The following PCSK6 variants were observed in gnomAD, a reference collection of about 807,000 sequenced individuals.
PCSK6 encodes proprotein convertase subtilisin/kexin type 6.
In PCSK6, 85 loss-of-function variants were observed where a neutral mutation model predicts 123.3. That is an observed-to-expected ratio of 0.69 (90% CI 0.58 to 0.83). PCSK6 has a LOEUF of 0.83. Ranked by LOEUF, PCSK6 falls within the 40% of genes least tolerant of loss-of-function variation. The pLI, the probability that PCSK6 is intolerant of heterozygous loss-of-function variation, is 0.00. For synonymous variants in PCSK6, 508 were observed against 516.0 expected (o/e 0.98, Z 0.21); for missense variants, 1,191 against 1,282.3 (o/e 0.93, Z 1.09).
chr15:101,417,629 A>T (rs1361535450), intron 6 of PCSK6, among the ~76,000 whole-genome samples: 1 of 152,210 alleles, frequency 6.6e-6, no homozygotes, highest in Non-Finnish European at 1.5e-5. Context: ...GTAAGAGGTG[A>T]TGAAAGGAGA....
chr15:101,311,289 T>A (rs1235354378), intron 20 of PCSK6, among the ~76,000 whole-genome samples: 2 of 150,658 alleles, frequency 1.3e-5, no homozygotes, highest in East Asian at 3.9e-4. Context: ...TTTTGCATTT[T>A]TTTTTTTTTT....
intron 11 of PCSK6, among the ~76,000 whole-genome samples, chr15:101,372,439 C>T (rs879659746): frequency 5.9e-5 from 9 of 152,328 alleles, no homozygotes; most frequent in East Asian, 1.9e-4. Flanking sequence ...TTTGAAAACA[C>T]GCTTTGCATG....
intron 1 of PCSK6, among the ~76,000 whole-genome samples, chr15:101,448,213 T>A (rs1030109485): frequency 1.3e-5 from 2 of 152,242 alleles, no homozygotes; most frequent in South Asian, 4.1e-4. Context: ...TTACTCAACG[T>A]TGATAGGCGA....
intron 13 of PCSK6, among the ~76,000 whole-genome samples, chr15:101,337,635 T>A (rs2141381171): frequency 6.6e-6 from 1 of 152,340 alleles, no homozygotes; most frequent in South Asian, 2.1e-4. Context: ...CTTAGCATTA[T>A]ATCATGTTAA....
At chr15:101,487,758 CCTT>C (rs1241710328) in intron 1 of PCSK6, among the ~76,000 whole-genome samples, 2 of 152,268 alleles carry the variant, frequency 1.3e-5, no homozygotes, top group South Asian at 2.1e-4. Context: ...ATGAGGAACA[CCTT>C]CTTCAGCCTG....
chr15:101,473,378 G>C (rs796160575), intron 1 of PCSK6, among the ~76,000 whole-genome samples: 3 of 152,308 alleles, frequency 2.0e-5, no homozygotes, highest in African/African-American at 7.2e-5. Flanking sequence ...AAAGTGTTGG[G>C]ATTACAAGCA....
intron 1 of PCSK6, among the ~76,000 whole-genome samples, chr15:101,482,259 G>T (rs138348756): frequency 6.6e-6 from 1 of 152,336 alleles, no homozygotes; most frequent in Non-Finnish European, 1.5e-5. Context: ...CATTAACCAG[G>T]CCTGGTGACA....
intron 1 of PCSK6, among the ~76,000 whole-genome samples, chr15:101,475,138 C>T (rs944928417): frequency 4.6e-5 from 7 of 152,164 alleles, no homozygotes; most frequent in Admixed American, 2.0e-4. Context: ...ATTTGGACTC[C>T]GCCCCTATAT....
chr15:101,422,216 G>A (rs899116303), intron 6 of PCSK6, among the ~76,000 whole-genome samples: 4 of 152,158 alleles, frequency 2.6e-5, no homozygotes, highest in Non-Finnish European at 5.9e-5. Flanking sequence ...CAGAGCTGCT[G>A]GAAATTGAGA....
chr15:101,442,309 T>A (rs1052728760), intron 2 of PCSK6, among the ~76,000 whole-genome samples: 2 of 152,210 alleles, frequency 1.3e-5, no homozygotes, highest in African/African-American at 4.8e-5. Context: ...GACTTATCCG[T>A]ATCTATCTAT....
At chr15:101,352,337 C>A (rs1393680282) in intron 13 of PCSK6, among the ~76,000 whole-genome samples, 1 of 151,712 alleles carries the variant, frequency 6.6e-6, no homozygotes, top group African/African-American at 2.4e-5. Flanking sequence ...TTAGTAGAGA[C>A]GGGGTTTCAC....
chr15:101,439,465 G>A (rs1334916958), intron 2 of PCSK6, among the ~76,000 whole-genome samples: 4 of 152,208 alleles, frequency 2.6e-5, no homozygotes, highest in African/African-American at 4.8e-5. Flanking sequence ...ACTGTCATTC[G>A]ATCACCCTCA....
chr15:101,307,246 T>A lies in PCSK6; in HGVS notation c.2779A>T (p.Thr927Ser), dbSNP rs2039745205. 4 of 1,613,652 alleles carry A rather than the reference T, an allele frequency of 2.5e-6. No homozygotes were observed. The East Asian group carries it at 8.9e-5, about 36-fold the overall frequency. Residue 927 changes from threonine to serine, a missense_variant, in exon 21 of 22, where the codon ACC becomes TCC. This residue lies in a region of PCSK6 where 630 missense variants were observed against 631.4 expected (regional missense o/e 1.00). Coordinates refer to ENST00000611716, the MANE Select transcript of PCSK6 (RefSeq NM_002570.5). ...CACGTGTGGTTGGTGATGCAGGAGG[T>A]CCCCAGCTGTGTGAAGCCCGTCTTA... ...RCKTGFTQLG[T>S]SCITNHTCSN...
intron 6 of PCSK6, among the ~76,000 whole-genome samples, chr15:101,405,339 T>C (rs1161070712): frequency 6.6e-6 from 1 of 152,212 alleles, no homozygotes; most frequent in Non-Finnish European, 1.5e-5. Context: ...TTGGGCATGC[T>C]GGGTTCAGAG....
At chr15:101,310,189 C>T (rs2141333512) in intron 20 of PCSK6, among the ~76,000 whole-genome samples, 1 of 152,356 alleles carries the variant, frequency 6.6e-6, no homozygotes, top group South Asian at 2.1e-4. Context: ...TGACGCTCTT[C>T]CTGGGGGGTG....
chr15:101,404,370 G>A (rs1201936728), intron 6 of PCSK6, among the ~76,000 whole-genome samples: 1 of 152,224 alleles, frequency 6.6e-6, no homozygotes, highest in Admixed American at 6.5e-5. Context: ...GAGAGGAGGG[G>A]TCGGGTGGAC....
chr15:101,408,695 T>C (rs957059383), intron 6 of PCSK6, among the ~76,000 whole-genome samples: 1 of 152,222 alleles, frequency 6.6e-6, no homozygotes, highest in Non-Finnish European at 1.5e-5. Flanking sequence ...TAAAATCCTC[T>C]TGCAGTTGAA....
chr15:101,345,596 A>G (rs1346152691), intron 13 of PCSK6, among the ~76,000 whole-genome samples: 2 of 152,376 alleles, frequency 1.3e-5, no homozygotes, highest in African/African-American at 4.8e-5. Flanking sequence ...TTTTACCAAT[A>G]TTTTACACAG....
chr15:101,346,715 C>T, intron 13 of PCSK6: 1 of 1,210,646 alleles, frequency 8.3e-7, no homozygotes, highest in Non-Finnish European at 1.0e-6. Flanking sequence ...TCTCCCTCTT[C>T]CTCAGATCTG....
Sources: allele counts gnomAD v4.1 joint callset (sites outside exome capture counted in the v4.1 genomes callset), GRCh38; gene constraint gnomAD v4.1.1; regional missense constraint gnomAD v4.1.1; transcripts MANE v1.5; gene names NCBI Gene and HGNC (gene_info 2026-07-23, HGNC 2026-07-21).